The following DLC1 variants were observed in gnomAD, a reference collection of about 807,000 sequenced individuals.
DLC1 encodes DLC1 Rho GTPase activating protein.
Under a neutral mutation model 140.3 loss-of-function variants are expected in DLC1, and 54 were observed. The ratio of observed to expected loss-of-function variants is 0.38; its 90% CI spans 0.31 to 0.48. DLC1 has a LOEUF of 0.48. Among genes scored for constraint, DLC1 ranks in the 20% least tolerant of loss-of-function variants. The pLI is 0.96. For missense variants in DLC1, 2,536 were observed against 1,907.0 expected (o/e 1.33, Z -6.14); for synonymous variants, 986 against 728.1 (o/e 1.35, Z -5.70).
At chr8:13,595,651 G>C (rs546542321) in intron 1 of DLC1, among the ~76,000 whole-genome samples, 1 of 151,948 alleles carries the variant, frequency 6.6e-6, no homozygotes, top group Non-Finnish European at 1.5e-5. Flanking sequence ...AGATATGCTG[G>C]TAACTACTAG....
At chr8:13,449,117 A>G (rs1459399669) in intron 2 of DLC1, among the ~76,000 whole-genome samples, 1 of 152,236 alleles carries the variant, frequency 6.6e-6, no homozygotes, top group Non-Finnish European at 1.5e-5. Context: ...TGAAGCAATT[A>G]AGAAAAATCA....
chr8:13,170,156 A>AT (rs1340154614), intron 5 of DLC1, among the ~76,000 whole-genome samples: 1 of 152,252 alleles, frequency 6.6e-6, no homozygotes, highest in Non-Finnish European at 1.5e-5. Flanking sequence ...TTGTTAAGAC[A>AT]TGCTATACTA....
rs762870802 is a variant in DLC1 at position 13,100,574 on chromosome 8, C to A, written c.1763G>T (p.Arg588Leu). 6.2e-6 allele frequency: 10 copies of A among 1,613,494 alleles called. No individual in the cohort carries two copies. The highest frequency in any genetic ancestry group is 3.3e-5 in the South Asian group (3 of 91,012). Reference protein sequence around the residue: ...PGGTLMDLSERQEVSSVRSLS... With the variant: ...PGGTLMDLSELQEVSSVRSLS... ...GCTGCGGACGGAAGACACCTCCTGG[C>A]GCTCGCTGAGGTCCATCAGCGTGCC... is the stretch of plus-strand genomic sequence containing the variant. Residue 588 changes from arginine (R) to leucine (L), a missense_variant, in exon 9 of 18, where the codon CGC (arginine) becomes CTC (leucine). Physicochemically the swap from Arg to Leu is moderately radical, Grantham distance 102. Transcript: ENST00000276297.
intron 1 of DLC1, chr8:13,559,305 C>T (rs1017982294): frequency 6.6e-6 from 1 of 152,236 alleles, no homozygotes; most frequent in African/African-American, 2.4e-5. Flanking sequence ...CCTGGGTTGA[C>T]AGCTTTCAAG....
chr8:13,431,201 T>C (rs891809139), intron 2 of DLC1, among the ~76,000 whole-genome samples: 21 of 152,022 alleles, frequency 1.4e-4, no homozygotes, highest in African/African-American at 4.8e-4. Context: ...GAATCAAGCA[T>C]TGGCCAGGCA....
chr8:13,355,653 T>C (rs1363989819), intron 4 of DLC1, among the ~76,000 whole-genome samples: 1 of 152,178 alleles, frequency 6.6e-6, no homozygotes, highest in East Asian at 1.9e-4. Flanking sequence ...AGGGCTTCAA[T>C]ATATGAATTT....
At chr8:13,100,962 C>T in intron 8 of DLC1, 192 bp from the exon 9 acceptor site, 1 of 576,642 alleles carries the variant, frequency 1.7e-6, no homozygotes. Context: ...GCTGTATTGC[C>T]CAGGCTGATT....
In DLC1 at chr8:13,188,799, G is replaced by GTGTGTATATATATATATATATATATA. The variant is rs1554465470; in HGVS notation, c.1349-73143_1349-73142insTATATATATATATATATATATACACA. Among the ~76,000 whole-genome samples, 492 of 79,370 alleles carry GTGTGTATATATATATATATATATATA rather than the reference G, an allele frequency of 6.2e-3. 5 individuals are homozygous for GTGTGTATATATATATATATATATATA. Among genetic ancestry groups the GTGTGTATATATATATATATATATATA allele is most frequent in the South Asian group, 9.4e-3 (20 of 2,134 alleles). The allele number at this position is 79,370 out of a possible 152,430, so 52.1% of individuals were successfully genotyped here. A position where few individuals can be genotyped will look rare whatever the true frequency, so the allele number is the denominator to read the frequency against. On this transcript the variant is annotated intron_variant, in intron 5 of 17. Coordinates refer to ENST00000276297, the MANE Select transcript of DLC1 (RefSeq NM_182643.3). Reference sequence around the variant, plus strand: ...CTAATGTGTGTGTGTGTGTGTGTGTGTGTATATATATATATATATATATAT... The same window carrying GTGTGTATATATATATATATATATATA: ...CTAATGTGTGTGTGTGTGTGTGTGTGTGTGTATATATATATATATATATATATGTATATATATATATATATATATAT...
At chr8:13,549,410 A>G (rs752771557) in intron 1 of DLC1, among the ~76,000 whole-genome samples, 2 of 152,144 alleles carry the variant, frequency 1.3e-5, no homozygotes, top group Admixed American at 1.3e-4. Context: ...GTATTTCAAA[A>G]CACTCTATAA....
chr8:13,227,565 T>C (rs980281653), intron 5 of DLC1, among the ~76,000 whole-genome samples: 2 of 152,214 alleles, frequency 1.3e-5, no homozygotes, highest in Non-Finnish European at 2.9e-5. Context: ...ATGTAGGGTC[T>C]ATGGTCACAC....
chr8:13,117,246 G>A (rs770004441), intron 5 of DLC1, among the ~76,000 whole-genome samples: 1 of 152,202 alleles, frequency 6.6e-6, no homozygotes, highest in Non-Finnish European at 1.5e-5. Flanking sequence ...TGAGGTGGGA[G>A]GATCATTTGA....
chr8:13,296,937 A>G (rs981313755), intron 5 of DLC1, among the ~76,000 whole-genome samples: 1 of 151,902 alleles, frequency 6.6e-6, no homozygotes, highest in Non-Finnish European at 1.5e-5. Context: ...TTGAGAGGAA[A>G]AGAAACTATG....
rs1554509372 is a variant in DLC1 at position 13,382,533 on chromosome 8, G to GAAAA, written c.1314+11019_1314+11020insTTTT. Among the ~76,000 whole-genome samples the GAAAA allele has an allele frequency of 9.4e-4, 78 of 82,950 alleles. 5 individuals are homozygous for GAAAA. The highest frequency in any genetic ancestry group is 1.8e-3 in the South Asian group (4 of 2,240). 54.4% of individuals were successfully genotyped at this position (82,950 alleles called of 152,430 possible). On this transcript the variant is annotated intron_variant, in intron 4 of 17. Coordinates refer to ENST00000276297, the MANE Select transcript of DLC1 (RefSeq NM_182643.3). ...AAAAAAAAAAAAAAAAAAAAAAAAA[G>GAAAA]AAAGAGGAGACAGATAAGCTAAAGG...
chr8:13,423,623 G>C (rs1052808994), intron 2 of DLC1, among the ~76,000 whole-genome samples: 6 of 152,112 alleles, frequency 3.9e-5, no homozygotes, highest in Non-Finnish European at 7.4e-5. Flanking sequence ...TAAACATTCT[G>C]TGACCATTTA....
At chr8:13,148,593 A>T (rs951885732) in intron 5 of DLC1, among the ~76,000 whole-genome samples, 8 of 152,150 alleles carry the variant, frequency 5.3e-5, no homozygotes, top group African/African-American at 1.7e-4. Flanking sequence ...TGTGTCTTTT[A>T]CACAAATGGG....
At chr8:13,158,019 T>C (rs1331037929) in intron 5 of DLC1, among the ~76,000 whole-genome samples, 3 of 152,256 alleles carry the variant, frequency 2.0e-5, no homozygotes, top group Admixed American at 6.5e-5. Flanking sequence ...TTGGAACTTG[T>C]GCATACAAAC....
intron 1 of DLC1, among the ~76,000 whole-genome samples, chr8:13,546,303 G>A (rs576864611): frequency 2.6e-4 from 39 of 151,928 alleles, no homozygotes; most frequent in African/African-American, 8.7e-4. Flanking sequence ...CCAAGATTTC[G>A]GTAATTTGTT....
chr8:13,487,952 G>T (rs1801046119), intron 2 of DLC1, among the ~76,000 whole-genome samples: 1 of 152,178 alleles, frequency 6.6e-6, no homozygotes, highest in Non-Finnish European at 1.5e-5. Context: ...TACATTTCTT[G>T]CCTGCTTTAC....
chr8:13,477,783 C>A (rs1800503877), intron 2 of DLC1, among the ~76,000 whole-genome samples: 2 of 151,932 alleles, frequency 1.3e-5, no homozygotes, highest in Admixed American at 6.6e-5. Flanking sequence ...ATAGAGAAAT[C>A]ATATCCTAAC....
Sources: allele counts gnomAD v4.1 joint callset (sites outside exome capture counted in the v4.1 genomes callset), GRCh38; gene constraint gnomAD v4.1.1; transcripts MANE v1.5; gene names NCBI Gene and HGNC (gene_info 2026-07-23, HGNC 2026-07-21).